RFX3: variants seen among roughly 807,000 people sequenced by gnomAD.
The protein encoded by RFX3 is transcription factor RFX3.
RFX3 carries 14 observed loss-of-function variants against 98.6 expected under a neutral mutation model. The observed-to-expected ratio is 0.14, with a 90% confidence interval of 0.09 to 0.22. The LOEUF is 0.22. Ranked by LOEUF, RFX3 falls within the 10% of genes least tolerant of loss-of-function variation. RFX3 has a pLI of 1.00. For synonymous variants in RFX3, 383 were observed against 328.4 expected (o/e 1.17, Z -1.80); for missense variants, 639 against 926.9 (o/e 0.69, Z 4.03).
Position 3,395,537 on chromosome 9 carries a change from T to C in RFX3, c.52A>G (p.Thr18Ala). 6.2e-7 allele frequency: 1 copy of C among 1,614,142 alleles called. No individual in the cohort carries two copies. The highest frequency in any genetic ancestry group is 8.5e-7 in the Non-Finnish European group (1 of 1,179,992). ...ACTGCTGCTTGACTAGCCACAGATGTTTGTAAGGTCACTGTCGAGCCTGTG... is the reference window on the plus strand; with the variant it reads ...ACTGCTGCTTGACTAGCCACAGATGCTTGTAAGGTCACTGTCGAGCCTGTG... ...SDTGSTVTLQ[T>A]SVASQAAVPT... The change falls in exon 2 of 17, where the codon ACA becomes GCA. Residue 18 changes from threonine to alanine, a missense_variant. This residue lies in a region of RFX3 where 210 missense variants were observed against 197.7 expected (regional missense o/e 1.06). Coordinates refer to ENST00000617270, the MANE Select transcript of RFX3 (RefSeq NM_001282116.2).
chr9:3,233,487 C>T (rs766595934), intron 15 of RFX3, among the ~76,000 whole-genome samples: 4 of 152,136 alleles, frequency 2.6e-5, no homozygotes, highest in African/African-American at 4.8e-5. Context: ...ACTGAAACAA[C>T]GCAGAGGAAG....
intron 1 of RFX3, among the ~76,000 whole-genome samples, chr9:3,512,728 T>A (rs1467961864): frequency 6.6e-6 from 1 of 152,044 alleles, no homozygotes; most frequent in African/African-American, 2.4e-5. Flanking sequence ...AAGTACAATC[T>A]TTTTCCTTGG....
intron 1 of RFX3, among the ~76,000 whole-genome samples, chr9:3,520,728 T>A (rs1818626436): frequency 6.6e-6 from 1 of 152,216 alleles, no homozygotes; most frequent in Admixed American, 6.5e-5. Flanking sequence ...CAGGCTAAAG[T>A]GCAGTGGCAT....
At position 3,247,967 on chromosome 9, in the gene RFX3, C is replaced by A. The variant is rs563099962; in HGVS notation, c.1968+65G>T. 2.5e-6 allele frequency: 4 copies of A among 1,613,880 alleles called. No individual in the cohort carries two copies. In the African/African-American group the frequency reaches 4.0e-5, roughly 16 times the overall value. On this transcript the variant is annotated intron_variant, in intron 15 of 16. Transcript: ENST00000617270. ...GGTTTTAATCAATAATGTATTTAGA[C>A]TGAAGTGTAATTCTGGCTTATTTTT...
At chr9:3,303,405 C>T (rs1373953859) in intron 4 of RFX3, among the ~76,000 whole-genome samples, 1 of 151,624 alleles carries the variant, frequency 6.6e-6, no homozygotes, top group Non-Finnish European at 1.5e-5. Flanking sequence ...GAAGAATTTG[C>T]TCAAAACCCT....
At position 3,481,855 on chromosome 9, in the gene RFX3, T is replaced by C. The variant is rs561442102; in HGVS notation, c.-9+43892A>G. ...CAAATAGATTTATTCAACTATTCGA[T>C]TGCCAAAATAAAAAAAATAAATAAA... On this transcript the variant is annotated intron_variant, in intron 1 of 16. Transcript: ENST00000617270. Among the ~76,000 whole-genome samples, 9 of 148,468 alleles carry C rather than the reference T, an allele frequency of 6.1e-5. No homozygotes were observed. In the South Asian group the frequency reaches 6.4e-4, roughly 11 times the overall value.
At chr9:3,430,651 A>G (rs1564092175) in intron 1 of RFX3, among the ~76,000 whole-genome samples, 1 of 152,152 alleles carries the variant, frequency 6.6e-6, no homozygotes, top group Non-Finnish European at 1.5e-5. Flanking sequence ...ATTCTTTTGA[A>G]TTTTTAAATA....
In RFX3 at chr9:3,365,026, G is replaced by C. The variant is rs527690202; in HGVS notation, c.118-18262C>G. On this transcript the variant is annotated intron_variant, in intron 2 of 16. Transcript: ENST00000617270. The stretch of plus-strand genomic sequence containing the variant: ...TTAAGTAAAAAAAGTAACAGGCCGG[G>C]CGTGGTGGCTCACGCCTGTAATCCC... Among the ~76,000 whole-genome samples the C allele has an allele frequency of 1.7e-4, 26 of 152,266 alleles. No homozygotes were observed. The South Asian group carries it at 2.7e-3, about 16-fold the overall frequency.
At chr9:3,514,187 ATCTT>A (rs1817916104) in intron 1 of RFX3, among the ~76,000 whole-genome samples, 1 of 152,170 alleles carries the variant, frequency 6.6e-6, no homozygotes, top group East Asian at 1.9e-4. Flanking sequence ...AGTTCCCCTA[ATCTT>A]TCTTTGCCTC....
At chr9:3,264,180 T>C (rs1823307948) in intron 12 of RFX3, among the ~76,000 whole-genome samples, 1 of 152,224 alleles carries the variant, frequency 6.6e-6, no homozygotes, top group Admixed American at 6.6e-5. Flanking sequence ...TGAAGCAGTT[T>C]ATTTTGAAAG....
intron 2 of RFX3, among the ~76,000 whole-genome samples, chr9:3,387,929 C>T (rs994583284): frequency 3.3e-5 from 5 of 152,102 alleles, no homozygotes; most frequent in East Asian, 1.9e-4. Context: ...TGATGGAGTG[C>T]ACTATCTTGG....
intron 2 of RFX3, among the ~76,000 whole-genome samples, chr9:3,380,053 A>G (rs566005118): frequency 6.6e-6 from 1 of 151,988 alleles, no homozygotes; most frequent in Non-Finnish European, 1.5e-5. Context: ...CCGCGTCCCA[A>G]GTAGCTGGGA....
intron 4 of RFX3, among the ~76,000 whole-genome samples, chr9:3,322,793 T>A (rs1218673010): frequency 2.0e-5 from 3 of 152,218 alleles, no homozygotes; most frequent in Admixed American, 2.0e-4. Flanking sequence ...TTATAGTTTT[T>A]AATTTCATTC....
At chr9:3,457,166 AAAAAG>A (rs1564125241) in intron 1 of RFX3, among the ~76,000 whole-genome samples, 1 of 150,328 alleles carries the variant, frequency 6.7e-6, no homozygotes. Flanking sequence ...AAAAAAAAAA[AAAAAG>A]AAAAGAATTG....
At position 3,223,184 on chromosome 9, in the gene RFX3, T is replaced by C. The variant is rs1817439744; in HGVS notation, c.*1858A>G. 1 of 152,196 alleles carries C rather than the reference T, an allele frequency of 6.6e-6. No homozygotes were observed. Among genetic ancestry groups the C allele is most frequent in the Admixed American group, 6.6e-5 (1 of 15,262 alleles). The allele number at this position is 152,196 out of a possible 1,614,324, so 9.4% of individuals were successfully genotyped here. On this transcript the variant is annotated 3_prime_UTR_variant, in exon 17 of 17. Transcript: ENST00000617270. ...CCTTTTTTTTGGCTTTATTATCTAT[T>C]TATTTTTGCTGATTAGTTTTTTACA...
intron 4 of RFX3, among the ~76,000 whole-genome samples, chr9:3,319,538 T>G (rs1831015928): frequency 6.6e-6 from 1 of 152,168 alleles, no homozygotes; most frequent in Non-Finnish European, 1.5e-5. Context: ...CTGCCCAATC[T>G]TTAGGCAATT....
At chr9:3,283,574 T>A (rs1416564042) in intron 7 of RFX3, among the ~76,000 whole-genome samples, 1 of 151,720 alleles carries the variant, frequency 6.6e-6, no homozygotes, top group African/African-American at 2.4e-5. Flanking sequence ...GTTCTTAAAT[T>A]TCCTCTCTCA....
At chr9:3,321,358 C>T (rs539310501) in intron 4 of RFX3, among the ~76,000 whole-genome samples, 28 of 152,306 alleles carry the variant, frequency 1.8e-4, no homozygotes, top group African/African-American at 5.3e-4. Context: ...AAAATTTCCA[C>T]ATTGCTCTCC....
intron 4 of RFX3, among the ~76,000 whole-genome samples, chr9:3,309,908 C>T (rs976107005): frequency 5.3e-5 from 8 of 151,986 alleles, no homozygotes; most frequent in Non-Finnish European, 7.4e-5. Context: ...TTAGAGGAGA[C>T]GGAATGATCC....
Sources: gnomAD v4.1 joint callset for allele counts (sites outside exome capture counted in the v4.1 genomes callset) on GRCh38, gnomAD v4.1.1 for gene constraint, gnomAD v4.1.1 regional missense constraint, MANE v1.5 for transcripts, NCBI Gene and HGNC (gene_info 2026-07-23, HGNC 2026-07-21) for gene names.